LPP: variants seen among roughly 807,000 people sequenced by gnomAD.
The protein encoded by LPP is lipoma-preferred partner.
Under a neutral mutation model 60.4 loss-of-function variants are expected in LPP, and 38 were observed. The ratio of observed to expected loss-of-function variants is 0.63; its 90% CI spans 0.49 to 0.83. The LOEUF (loss-of-function observed/expected upper bound fraction) is 0.83, where lower values mean the gene tolerates loss of function less well. Among genes scored for constraint, LPP ranks in the 40% least tolerant of loss-of-function variants. The pLI, the probability that LPP is intolerant of heterozygous loss-of-function variation, is 0.00. For missense variants in LPP, 902 were observed against 783.6 expected (o/e 1.15, Z -1.80); for synonymous variants, 328 against 290.8 (o/e 1.13, Z -1.30).
chr3:188,181,995 T>C (rs1482601994), intron 1 of LPP, among the ~76,000 whole-genome samples: 1 of 152,264 alleles, frequency 6.6e-6, no homozygotes, highest in African/African-American at 2.4e-5. Flanking sequence ...GGCTTTCTGC[T>C]GGGATGCCCA....
intron 6 of LPP, among the ~76,000 whole-genome samples, chr3:188,559,729 C>G (rs1560564360): frequency 6.6e-6 from 1 of 151,934 alleles, no homozygotes; most frequent in Non-Finnish European, 1.5e-5. Context: ...ATGCCAGTAC[C>G]ACAATGGGAA....
intron 6 of LPP, among the ~76,000 whole-genome samples, chr3:188,582,154 C>CTTTTTTTTTTT (rs10565240): frequency 6.2e-4 from 63 of 102,242 alleles, no homozygotes; most frequent in Non-Finnish European, 8.0e-4. Context: ...TTTTCTTTTT[C>CTTTTTTTTTTT]TTTTTTTTTT....
chr3:188,694,416 A>G (rs1314671999), intron 7 of LPP, among the ~76,000 whole-genome samples: 2 of 152,168 alleles, frequency 1.3e-5, no homozygotes, highest in East Asian at 3.9e-4. Context: ...AAAAATGACC[A>G]TGTCGGCCGG....
intron 8 of LPP, among the ~76,000 whole-genome samples, chr3:188,732,108 A>C (rs1332659848): frequency 6.6e-6 from 1 of 152,218 alleles, no homozygotes; most frequent in African/African-American, 2.4e-5. Context: ...GTTACAGTAG[A>C]AACTTTCATG....
chr3:188,507,959 C>G (rs962489390), intron 5 of LPP, among the ~76,000 whole-genome samples: 1 of 152,088 alleles, frequency 6.6e-6, no homozygotes, highest in African/African-American at 2.4e-5. Context: ...CAATCTAAGG[C>G]TATATCATTA....
chr3:188,845,956 G>A (rs1012001229), intron 9 of LPP, among the ~76,000 whole-genome samples: 1 of 152,220 alleles, frequency 6.6e-6, no homozygotes, highest in African/African-American at 2.4e-5. Context: ...CCCCTGTGAT[G>A]TCCAGTCTCT....
rs1030910730 is a variant in LPP at position 188,875,650 on chromosome 3, G to T, written c.*1171G>T. On this transcript the variant is annotated 3_prime_UTR_variant, in exon 12 of 12. Coordinates refer to ENST00000617246, the MANE Select transcript of LPP (RefSeq NM_001375462.1). The stretch of plus-strand genomic sequence containing the variant: ...CTGCAACTGAAATTACATATTGCAG[G>T]AGACATTTTCATATCATCAATGTGA... 2 of 203,506 alleles carry T rather than the reference G, an allele frequency of 9.8e-6. No homozygotes were observed. The highest frequency in any genetic ancestry group is 2.0e-5 in the Non-Finnish European group (2 of 99,162). 12.6% of individuals were successfully genotyped at this position (203,506 alleles called of 1,614,324 possible). A position where few individuals can be genotyped will look rare whatever the true frequency, so the allele number is the denominator to read the frequency against.
chr3:188,240,298 T>A (rs1723680596), intron 2 of LPP: 1 of 168,110 alleles, frequency 5.9e-6, no homozygotes, highest in Admixed American at 6.4e-5. Context: ...ACAGCTTGCC[T>A]AACAAGGTTG....
chr3:188,595,863 G>T (rs530414695), intron 6 of LPP, among the ~76,000 whole-genome samples: 1 of 152,054 alleles, frequency 6.6e-6, no homozygotes, highest in Admixed American at 6.6e-5. Flanking sequence ...GCAGAAAATC[G>T]AGAAGGGAGC....
In LPP at chr3:188,748,011, G is replaced by T. The variant is rs138041376; in HGVS notation, c.1241-12102G>T. On this transcript the variant is annotated intron_variant, in intron 8 of 11. Transcript: ENST00000617246. Reference sequence around the variant, plus strand: ...AGGTACTCATATCTTAAAAGTCAGTGTACTCAAATCAGTCTTGCATTCTAC... The same window carrying T: ...AGGTACTCATATCTTAAAAGTCAGTTTACTCAAATCAGTCTTGCATTCTAC... Among the ~76,000 whole-genome samples, 110 of 152,256 alleles carry T rather than the reference G, an allele frequency of 7.2e-4. 5 individuals are homozygous for T. The East Asian group carries it at 0.014, about 19-fold the overall frequency.
At chr3:188,169,175 A>G (rs1320319724) in intron 1 of LPP, among the ~76,000 whole-genome samples, 2 of 152,226 alleles carry the variant, frequency 1.3e-5, no homozygotes, top group Non-Finnish European at 2.9e-5. Flanking sequence ...TTCTATTAAC[A>G]TTTCGTTTTT....
intron 3 of LPP, among the ~76,000 whole-genome samples, chr3:188,399,980 A>G (rs1284947846): frequency 6.6e-6 from 1 of 152,206 alleles, no homozygotes; most frequent in African/African-American, 2.4e-5. Flanking sequence ...TGCCTATGGC[A>G]CTAAGTTTTC....
chr3:188,636,256 G>A (rs1848728815), intron 7 of LPP, among the ~76,000 whole-genome samples: 3 of 152,344 alleles, frequency 2.0e-5, no homozygotes, highest in East Asian at 3.9e-4. Context: ...AGCGCAAGGG[G>A]TCAGGGAGTT....
At chr3:188,705,349 G>A (rs987483988) in intron 7 of LPP, among the ~76,000 whole-genome samples, 3 of 152,002 alleles carry the variant, frequency 2.0e-5, no homozygotes, top group Admixed American at 6.6e-5. Context: ...TACAATGTAC[G>A]TATCTGTCAT....
At chr3:188,592,346 GCACA>G (rs1193814893) in intron 6 of LPP, among the ~76,000 whole-genome samples, 1 of 150,630 alleles carries the variant, frequency 6.6e-6, no homozygotes, top group African/African-American at 2.4e-5. Flanking sequence ...AAACACACAC[GCACA>G]CAGTCACACA....
At chr3:188,844,361 C>T (rs1488165202) in intron 9 of LPP, among the ~76,000 whole-genome samples, 1 of 152,230 alleles carries the variant, frequency 6.6e-6, no homozygotes. Flanking sequence ...TACTTCCTCT[C>T]CTCCTCTTTA....
At chr3:188,629,935 T>C (rs1283210334) in intron 7 of LPP, among the ~76,000 whole-genome samples, 3 of 151,974 alleles carry the variant, frequency 2.0e-5, no homozygotes, top group Non-Finnish European at 4.4e-5. Context: ...GCTGCACACC[T>C]ACAACCATTG....
chr3:188,562,956 T>C (rs1012794817), intron 6 of LPP, among the ~76,000 whole-genome samples: 3 of 152,006 alleles, frequency 2.0e-5, no homozygotes, highest in African/African-American at 7.2e-5. Flanking sequence ...ATAATAGTAG[T>C]ACTTGAGATT....
chr3:188,810,163 A>G (rs1312048118), intron 9 of LPP, among the ~76,000 whole-genome samples: 2 of 152,108 alleles, frequency 1.3e-5, no homozygotes, highest in Non-Finnish European at 2.9e-5. Context: ...ATACTACCCT[A>G]CAACTAGTCT....
Sources: gnomAD v4.1 joint callset for allele counts (sites outside exome capture counted in the v4.1 genomes callset) on GRCh38, gnomAD v4.1.1 for gene constraint, MANE v1.5 for transcripts, NCBI Gene and HGNC (gene_info 2026-07-23, HGNC 2026-07-21) for gene names.